Variants in CORIN observed in about 807,000 individuals in gnomAD.
The protein encoded by CORIN is corin, serine peptidase.
CORIN carries 117 observed loss-of-function variants against 125.3 expected under a neutral mutation model. The ratio of observed to expected loss-of-function variants is 0.93; its 90% CI spans 0.80 to 1.09. CORIN has a LOEUF of 1.09. Among genes scored for constraint, CORIN ranks in the 50% least tolerant of loss-of-function variants. CORIN has a pLI of 0.00. For missense variants in CORIN, 1,253 were observed against 1,306.7 expected (o/e 0.96, Z 0.63); for synonymous variants, 450 against 466.4 (o/e 0.96, Z 0.45).
At chr4:47,731,577 G>A (rs534476536) in intron 5 of CORIN, among the ~76,000 whole-genome samples, 50 of 152,114 alleles carry the variant, frequency 3.3e-4, no homozygotes, top group Non-Finnish European at 6.2e-4. Flanking sequence ...GTGATTAAAT[G>A]TAGCAAATGC....
intron 2 of CORIN, among the ~76,000 whole-genome samples, chr4:47,799,472 G>T (rs910147268): frequency 1.3e-5 from 2 of 151,940 alleles, no homozygotes; most frequent in Non-Finnish European, 2.9e-5. Context: ...GTGTGAGATG[G>T]TATCTCACTG....
chr4:47,616,249 C>G (rs1722062926), intron 19 of CORIN, among the ~76,000 whole-genome samples: 1 of 151,930 alleles, frequency 6.6e-6, no homozygotes, highest in Admixed American at 6.6e-5. Flanking sequence ...ATTTGATATT[C>G]AAGTATATTC....
rs1453543541 is a variant in CORIN at position 47,600,300 on chromosome 4, G to A, written c.2860C>T (p.His954Tyr). 15 of 1,613,460 alleles carry A rather than the reference G, an allele frequency of 9.3e-6. No homozygotes were observed. Among genetic ancestry groups the A allele is most frequent in the Non-Finnish European group, 1.0e-5 (12 of 1,179,664 alleles). Residue 954 changes from histidine (H) to tyrosine (Y), a missense_variant, in exon 21 of 22, where the codon CAT becomes TAT. His to Tyr is a moderately conservative substitution (Grantham distance 83). Coordinates refer to ENST00000273857, the MANE Select transcript of CORIN (RefSeq NM_006587.4). Reference sequence around the variant, plus strand: ...TTCATGTCAAAGTAGGACTGACAATGTTCCAGAGAAATAATGCGGACCTCT... The same window carrying A: ...TTCATGTCAAAGTAGGACTGACAATATTCCAGAGAAATAATGCGGACCTCT... ...EGEVRIISLEHCQSYFDMKTI... is the reference protein window; with the variant it reads ...EGEVRIISLEYCQSYFDMKTI...
At chr4:47,625,631 C>T in intron 17 of CORIN, among the ~76,000 whole-genome samples, 1 of 151,992 alleles carries the variant, frequency 6.6e-6, no homozygotes, top group East Asian at 1.9e-4. Context: ...TTTAGTTTTC[C>T]TCTTTAAAAT....
Position 47,786,888 on chromosome 4 carries a change from A to G in CORIN, c.246T>C (p.Ser82=), listed in dbSNP as rs778208448. The G allele has an allele frequency of 6.2e-7, 1 of 1,613,694 alleles. No individual in the cohort carries two copies. Among genetic ancestry groups the G allele is most frequent in the Non-Finnish European group, 8.5e-7 (1 of 1,179,634 alleles). ...TTTCACCATCAGTGACCAAAGGTTC[A>G]CTCCCATTTGATTTAAAATAGACCT... ...LQKVYFKSNG[S]EPLVTDGEIQ... Residue 82 remains serine (S), a synonymous_variant, in exon 3 of 22, where the codon AGT becomes AGC. Transcript: ENST00000273857.
At chr4:47,714,876 A>G (rs1343140013) in intron 5 of CORIN, among the ~76,000 whole-genome samples, 3 of 152,242 alleles carry the variant, frequency 2.0e-5, no homozygotes, top group Non-Finnish European at 4.4e-5. Context: ...CCAGTGCACT[A>G]GAAAAGCTGT....
chr4:47,791,722 A>G (rs557531503), intron 2 of CORIN, among the ~76,000 whole-genome samples: 23 of 152,200 alleles, frequency 1.5e-4, no homozygotes, highest in Non-Finnish European at 2.8e-4. Flanking sequence ...AAAGTCAACC[A>G]TTATGTGCTT....
intron 1 of CORIN, among the ~76,000 whole-genome samples, chr4:47,817,449 C>A (rs1216835682): frequency 1.3e-5 from 2 of 152,090 alleles, no homozygotes; most frequent in African/African-American, 4.8e-5. Flanking sequence ...TGGACCCATA[C>A]CAAACATGGT....
At chr4:47,768,184 T>C (rs185127234) in intron 3 of CORIN, among the ~76,000 whole-genome samples, 1 of 152,124 alleles carries the variant, frequency 6.6e-6, no homozygotes, top group African/African-American at 2.4e-5. Flanking sequence ...TCCACCCAAA[T>C]CTTATAAAAC....
At position 47,643,402 on chromosome 4, in the gene CORIN, A is replaced by T. The variant is rs145706283; in HGVS notation, c.1958-146T>A. 2,271 of 672,150 alleles carry T rather than the reference A, an allele frequency of 3.4e-3. 50 individuals are homozygous for T. The Admixed American group carries it at 0.04, about 12-fold the overall frequency. The allele number at this position is 672,150 out of a possible 1,614,324, so 41.6% of individuals were successfully genotyped here. A position where few individuals can be genotyped will look rare whatever the true frequency, so the allele number is the denominator to read the frequency against. Reference sequence around the variant, plus strand: ...GGCTTCCAAACGGGCATAAAAACAGAATAACATAATTTGTAAAATATCATT... The same window carrying T: ...GGCTTCCAAACGGGCATAAAAACAGTATAACATAATTTGTAAAATATCATT... On this transcript the variant is annotated intron_variant, in intron 14 of 21. Transcript: ENST00000273857.
At chr4:47,686,751 T>G (rs1182685781) in intron 6 of CORIN, among the ~76,000 whole-genome samples, 1 of 152,202 alleles carries the variant, frequency 6.6e-6, no homozygotes, top group Non-Finnish European at 1.5e-5. Flanking sequence ...CAGTGCAAAG[T>G]ATACGCATGC....
At chr4:47,743,754 G>A (rs1489643569) in intron 5 of CORIN, among the ~76,000 whole-genome samples, 1 of 152,082 alleles carries the variant, frequency 6.6e-6, no homozygotes, top group Non-Finnish European at 1.5e-5. Context: ...GCATGATGGC[G>A]TGCACCTATA....
chr4:47,609,912 T>C (rs945655442), intron 19 of CORIN, among the ~76,000 whole-genome samples: 1 of 152,232 alleles, frequency 6.6e-6, no homozygotes, highest in Non-Finnish European at 1.5e-5. Context: ...GCTTCATCCA[T>C]GTCCCTGCAA....
At chr4:47,674,306 A>G (rs1483143821) in intron 10 of CORIN, 87 bp downstream of exon 10, 1 of 938,482 alleles carries the variant, frequency 1.1e-6, no homozygotes, top group South Asian at 1.4e-5. Flanking sequence ...GGGATTCCAG[A>G]CTTCAGTATT....
chr4:47,758,453 T>C (rs1047515158), intron 4 of CORIN, among the ~76,000 whole-genome samples: 2 of 152,036 alleles, frequency 1.3e-5, no homozygotes, highest in African/African-American at 4.8e-5. Context: ...ACCAATGACA[T>C]TTTTCACAGA....
intron 4 of CORIN, among the ~76,000 whole-genome samples, chr4:47,750,124 G>T (rs1027456063): frequency 6.6e-6 from 1 of 152,140 alleles, no homozygotes; most frequent in Non-Finnish European, 1.5e-5. Flanking sequence ...TAGATGGCTT[G>T]TTCTCCCTAT....
chr4:47,751,038 C>T (rs550224603), intron 4 of CORIN, among the ~76,000 whole-genome samples: 2 of 152,290 alleles, frequency 1.3e-5, no homozygotes, highest in South Asian at 4.1e-4. Context: ...GCAAATTATG[C>T]AAATAATGGT....
rs186264773 is a variant in CORIN, at chr4:47,671,205, A to C, written c.1357+3188T>G. 1.3e-3 allele frequency among the ~76,000 whole-genome samples: 205 copies of C among 152,328 alleles called. 1 individual carries two copies. Among genetic ancestry groups the C allele is most frequent in the African/African-American group, 4.5e-3 (189 of 41,572 alleles). On this transcript the variant is annotated intron_variant, in intron 10 of 21. Coordinates refer to ENST00000273857, the MANE Select transcript of CORIN (RefSeq NM_006587.4). ...CAATATATCTTTAGCGACCATTAGA[A>C]AATCACATAATATTTTATGGGATGG... is the stretch of plus-strand genomic sequence containing the variant.
At chr4:47,651,184 TA>T (rs1228731119) in intron 13 of CORIN, among the ~76,000 whole-genome samples, 2 of 152,254 alleles carry the variant, frequency 1.3e-5, no homozygotes, top group African/African-American at 4.8e-5. Flanking sequence ...GGAAACTCAA[TA>T]ACCTTGTTAG....
Sources: allele counts gnomAD v4.1 joint callset (sites outside exome capture counted in the v4.1 genomes callset), GRCh38; gene constraint gnomAD v4.1.1; transcripts MANE v1.5; gene names NCBI Gene and HGNC (gene_info 2026-07-23, HGNC 2026-07-21).